Variants in PRKD2 observed in about 807,000 individuals in gnomAD.
PRKD2 encodes the protein protein kinase D2.
Under a neutral mutation model 86.0 loss-of-function variants are expected in PRKD2, and 22 were observed. The observed-to-expected ratio is 0.26, with a 90% CI of 0.18 to 0.37. The LOEUF (loss-of-function observed/expected upper bound fraction) is 0.37, where lower values mean the gene tolerates loss of function less well. PRKD2 is among the 10% of genes least tolerant of loss of function. The pLI, the probability that PRKD2 is intolerant of heterozygous loss-of-function variation, is 1.00. For synonymous variants in PRKD2, 509 were observed against 510.9 expected (o/e 1.00, Z 0.05); for missense variants, 818 against 1,199.2 (o/e 0.68, Z 4.70).
chr19:46,678,685 G>A lies in PRKD2; in HGVS notation c.2071-22C>T. ...TCACCTGCAGAGGGCAAGGGATGGAGGCTCCACCAGGTGATGGAGCCGCAC... is the reference window on the plus strand; with the variant it reads ...TCACCTGCAGAGGGCAAGGGATGGAAGCTCCACCAGGTGATGGAGCCGCAC... On this transcript the variant is annotated intron_variant, in intron 15 of 17. Coordinates refer to ENST00000291281, the MANE Select transcript of PRKD2 (RefSeq NM_016457.5). This position sits in a 1 kb window ranked among gnomAD's most constrained non-coding sequence, Gnocchi z 5.7. The A allele has an allele frequency of 1.3e-6, 2 of 1,593,772 alleles. No individual in the cohort carries two copies. The highest frequency in any genetic ancestry group is 1.7e-6 in the Non-Finnish European group (2 of 1,174,650).
At chr19:46,683,371 G>A (rs537620796) in intron 14 of PRKD2, among the ~76,000 whole-genome samples, 2 of 152,182 alleles carry the variant, frequency 1.3e-5, no homozygotes, top group African/African-American at 4.8e-5. Context: ...GGGATTATAG[G>A]CGTGAGCCAC....
In PRKD2 at chr19:46,700,793, G is replaced by A. The variant is rs2053624175; in HGVS notation, c.1121+6C>T. ...CCCAGGGTCTCTTGGAGGGTTCTGTGTATACCTCTGGGCCTTGCCTCCCTC... is the reference window on the plus strand; with the variant it reads ...CCCAGGGTCTCTTGGAGGGTTCTGTATATACCTCTGGGCCTTGCCTCCCTC... On this transcript the variant is annotated splice_donor_region_variant and intron_variant, in intron 7 of 17. Transcript: ENST00000291281. 6.2e-7 allele frequency: 1 copy of A among 1,613,564 alleles called. No individual in the cohort carries two copies. Among genetic ancestry groups the A allele is most frequent in the African/African-American group, 1.3e-5 (1 of 74,918 alleles).
intron 14 of PRKD2, among the ~76,000 whole-genome samples, chr19:46,685,042 C>T (rs1599815979): frequency 6.6e-6 from 1 of 151,372 alleles, no homozygotes. Flanking sequence ...GGGTGGATCA[C>T]GAGGTCAGAA....
chr19:46,680,939 TATATATA>T (rs1322531200), intron 15 of PRKD2, among the ~76,000 whole-genome samples: 2 of 50,198 alleles, frequency 4.0e-5, no homozygotes, highest in African/African-American at 1.2e-4. Context: ...TATATATATA[TATATATA>T]TTTTTTTTTT....
At chr19:46,710,713 G>T in intron 3 of PRKD2, 194 bp downstream of exon 3, 1 of 553,784 alleles carries the variant, frequency 1.8e-6, no homozygotes, top group Non-Finnish European at 2.9e-6. Flanking sequence ...CCTGAGCCCC[G>T]GCCCAGCCCC....
At position 46,678,428 on chromosome 19, in the gene PRKD2, G is replaced by C; in HGVS notation, c.2306C>G (p.Pro769Arg). Residue 769 changes from proline (P) to arginine (R), a missense_variant, in exon 16 of 18, where the codon CCG becomes CGG. Physicochemically the swap from Pro to Arg is moderately radical, Grantham distance 103. Transcript: ENST00000291281. The surrounding 1 kb of genome is among the most constrained non-coding windows in gnomAD (Gnocchi z 5.7). Reference protein sequence around the residue: ...DQIQNAAFMYPASPWSHISAG... With the variant: ...DQIQNAAFMYRASPWSHISAG... ...TGAGATGTGGCTCCAGGGGCTGGCC[G>C]GGTACATGAAGGCGGCGTTCTGGAT... 6.2e-7 allele frequency: 1 copy of C among 1,614,138 alleles called. No individual in the cohort carries two copies.
At chr19:46,685,592 G>A (rs1265436208) in intron 14 of PRKD2, 1 of 152,376 alleles carries the variant, frequency 6.6e-6, no homozygotes, top group African/African-American at 2.4e-5. Context: ...AGGCCAGAAA[G>A]AGAAACCCCC....
At chr19:46,701,534 G>T (rs971467079) in intron 5 of PRKD2, among the ~76,000 whole-genome samples, 3 of 151,650 alleles carry the variant, frequency 2.0e-5, no homozygotes, top group African/African-American at 7.3e-5. Context: ...TGTGTTTTTA[G>T]TAGAGACGGG....
intron 9 of PRKD2, among the ~76,000 whole-genome samples, chr19:46,695,033 T>A (rs866493229): frequency 1.3e-5 from 2 of 149,864 alleles, no homozygotes; most frequent in Non-Finnish European, 3.0e-5. Flanking sequence ...GAGACCCCCA[T>A]CTCTACAAAA....
intron 5 of PRKD2, among the ~76,000 whole-genome samples, chr19:46,702,725 T>A (rs1043189951): frequency 8.6e-5 from 13 of 151,842 alleles, no homozygotes; most frequent in Non-Finnish European, 1.3e-4. Context: ...TCTTGCTCTG[T>A]CACCCAGGCT....
At chr19:46,698,048 C>G (rs2053586638) in intron 7 of PRKD2, among the ~76,000 whole-genome samples, 198 bp from the exon 8 acceptor site, 1 of 152,138 alleles carries the variant, frequency 6.6e-6, no homozygotes, top group African/African-American at 2.4e-5. Context: ...GTCACCCAGG[C>G]TGGAATGCAG....
Position 46,705,108 on chromosome 19 carries a change from CCGA to C in PRKD2, c.512-462_512-460del, listed in dbSNP as rs890918707. Among the ~76,000 whole-genome samples, 28 of 152,096 alleles carry C rather than the reference CCGA, an allele frequency of 1.8e-4. 1 individual carries two copies. The highest frequency in any genetic ancestry group is 6.5e-4 in the African/African-American group (27 of 41,472). Reference sequence around the variant, plus strand: ...CCACCCCTAGTTCCAGCTTGTAGCCCCGACATCACCCCATCTGCCCCCCAGGCC... The same window carrying C: ...CCACCCCTAGTTCCAGCTTGTAGCCCCATCACCCCATCTGCCCCCCAGGCC... On this transcript the variant is annotated intron_variant, in intron 3 of 17. Transcript: ENST00000291281.
intron 3 of PRKD2, among the ~76,000 whole-genome samples, chr19:46,708,975 T>G (rs1359492590): frequency 1.1e-5 from 1 of 91,100 alleles, no homozygotes; most frequent in East Asian, 2.3e-4. Flanking sequence ...GTTTGTGGTT[T>G]TTTTTTTTTT....
intron 8 of PRKD2, among the ~76,000 whole-genome samples, 162 bp downstream of exon 8, chr19:46,697,571 C>A (rs1380950707): frequency 6.6e-6 from 1 of 152,010 alleles, no homozygotes; most frequent in East Asian, 1.9e-4. Context: ...CCCTTACAGC[C>A]CACACTTCTA....
chr19:46,687,391 CA>C (rs1275790540), intron 14 of PRKD2, among the ~76,000 whole-genome samples: 1 of 131,416 alleles, frequency 7.6e-6, no homozygotes, highest in Non-Finnish European at 1.6e-5. Context: ...GACCCTGTCT[CA>C]AAAAAACAAA....
At chr19:46,714,477 T>TGTGGGG (rs1555833000) in intron 1 of PRKD2, 1 of 40,950 alleles carries the variant, frequency 2.4e-5, no homozygotes, top group South Asian at 9.8e-4. Flanking sequence ...CCTGGGAAAG[T>TGTGGGG]GGGGGGGGGG....
At position 46,693,955 on chromosome 19, in the gene PRKD2, C is replaced by T; in HGVS notation, c.1496G>A (p.Gly499Asp). The change falls in exon 10 of 18, where the codon GGC (glycine) becomes GAC (aspartate). Residue 499 changes from glycine (G) to aspartate (D), a missense_variant. Transcript: ENST00000291281. The surrounding 1 kb of genome is among the most constrained non-coding windows in gnomAD (Gnocchi z 4.5). ...PSGQGAEAAR[G>D]WETAIRQALM... Reference sequence around the variant, plus strand: ...GGCCTGGCGGATGGCTGTCTCCCAGCCCCGGGCGGCCTCAGCCCCCTGCCC... The same window carrying T: ...GGCCTGGCGGATGGCTGTCTCCCAGTCCCGGGCGGCCTCAGCCCCCTGCCC... The T allele has an allele frequency of 4.3e-6, 7 of 1,611,946 alleles. No homozygotes were observed. The highest frequency in any genetic ancestry group is 5.9e-6 in the Non-Finnish European group (7 of 1,179,906).
intron 2 of PRKD2, among the ~76,000 whole-genome samples, chr19:46,711,689 G>A (rs538072113): frequency 1.6e-4 from 24 of 152,000 alleles, no homozygotes; most frequent in South Asian, 1.0e-3. Flanking sequence ...CACTGCACCC[G>A]GCCTAAAATA....
chr19:46,679,768 G>A (rs2053267857), intron 15 of PRKD2, among the ~76,000 whole-genome samples: 1 of 152,234 alleles, frequency 6.6e-6, no homozygotes, highest in South Asian at 2.1e-4. Flanking sequence ...GGGATCACAG[G>A]GACCCGCCAC....
Sources: gnomAD v4.1 joint callset for allele counts (sites outside exome capture counted in the v4.1 genomes callset) on GRCh38, gnomAD v4.1.1 for gene constraint, Gnocchi (gnomAD v3.1) non-coding constraint, MANE v1.5 for transcripts, NCBI Gene and HGNC (gene_info 2026-07-23, HGNC 2026-07-21) for gene names.